Variants in ADARB1 observed in about 807,000 individuals in gnomAD.
ADARB1 encodes the protein adenosine deaminase RNA specific B1.
ADARB1 carries 10 observed loss-of-function variants against 52.4 expected under a neutral mutation model. That is an observed-to-expected ratio of 0.19 (90% CI 0.12 to 0.32). The LOEUF is 0.32. Among genes scored for constraint, ADARB1 ranks in the 10% least tolerant of loss-of-function variants. The pLI is 1.00. For missense variants in ADARB1, 643 were observed against 922.3 expected (o/e 0.70, Z 3.92); for synonymous variants, 349 against 371.1 (o/e 0.94, Z 0.68).
At chr21:45,165,136 G>A (rs1324824091) in intron 2 of ADARB1, among the ~76,000 whole-genome samples, 2 of 152,130 alleles carry the variant, frequency 1.3e-5, no homozygotes. Context: ...TACTGTCTGT[G>A]CGACTGGCAT....
intron 8 of ADARB1, among the ~76,000 whole-genome samples, chr21:45,203,160 C>T (rs2092595966): frequency 6.6e-6 from 1 of 152,178 alleles, no homozygotes; most frequent in Non-Finnish European, 1.5e-5. Context: ...AATACCGCCC[C>T]CTCCCTCATC....
At chr21:45,153,565 A>G (rs1017982176) in intron 2 of ADARB1, among the ~76,000 whole-genome samples, 2 of 152,218 alleles carry the variant, frequency 1.3e-5, no homozygotes, top group Non-Finnish European at 2.9e-5. Context: ...CTGTTTCTTC[A>G]GGAAGTAAAA....
chr21:45,129,487 G>A (rs2088797591), intron 2 of ADARB1, among the ~76,000 whole-genome samples: 1 of 152,232 alleles, frequency 6.6e-6, no homozygotes, highest in Admixed American at 6.5e-5. Flanking sequence ...CTGGAGGAAC[G>A]CAGGTGTGCT....
Position 45,221,374 on chromosome 21 carries a change from T to C in ADARB1, c.1926+360T>C, listed in dbSNP as rs187908889. 1.3e-5 allele frequency among the ~76,000 whole-genome samples: 2 copies of C among 152,330 alleles called. No individual in the cohort carries two copies. The highest frequency in any genetic ancestry group is 3.9e-4 in the East Asian group (2 of 5,186). ...CTCAGCAACATAAAAATTGCTTGGA[T>C]TGTGATAACCCTCCAGTGGAGTTTT... On this transcript the variant is annotated intron_variant, in intron 10 of 10. Coordinates refer to ENST00000348831, the MANE Select transcript of ADARB1 (RefSeq NM_001112.4). This position sits in a 1 kb window ranked among gnomAD's most constrained non-coding sequence, Gnocchi z 4.9.
In ADARB1 at chr21:45,222,101, C is replaced by T. The variant is rs747328727; in HGVS notation, c.2010C>T (p.Ala670=). ...ESKLAAKEYQ[A]AKARLFTAFI... is the part of the protein sequence containing the mutation. ...AGCTGGCGGCAAAGGAGTACCAGGC[C>T]GCCAAGGCGCGTCTGTTCACAGCCT... Residue 670 remains alanine, a synonymous_variant, in exon 11 of 11, where the codon GCC becomes GCT. Transcript: ENST00000348831. 1.7e-5 allele frequency: 27 copies of T among 1,613,172 alleles called. No individual in the cohort carries two copies. Among genetic ancestry groups the T allele is most frequent in the East Asian group, 4.5e-5 (2 of 44,894 alleles).
chr21:45,152,158 T>C (rs868179345), intron 2 of ADARB1, among the ~76,000 whole-genome samples: 36 of 152,202 alleles, frequency 2.4e-4, no homozygotes, highest in African/African-American at 7.0e-4. Flanking sequence ...AGCCTCTGCA[T>C]TGTGTTGTGT....
At chr21:45,214,645 T>G (rs1199363435) in intron 9 of ADARB1, among the ~76,000 whole-genome samples, 1 of 152,232 alleles carries the variant, frequency 6.6e-6, no homozygotes, top group Non-Finnish European at 1.5e-5. Flanking sequence ...CCTCATTTCT[T>G]CATGGAATTG....
At chr21:45,074,855 G>A (rs1294868899) in intron 1 of ADARB1, 62 bp downstream of exon 1, 7 of 149,200 alleles carry the variant, frequency 4.7e-5, no homozygotes, top group Non-Finnish European at 1.0e-4. Flanking sequence ...CCGCGGTGGC[G>A]GCGTTTATGT....
At chr21:45,148,931 CT>C (rs1311657376) in intron 2 of ADARB1, among the ~76,000 whole-genome samples, 1 of 152,244 alleles carries the variant, frequency 6.6e-6, no homozygotes, top group Admixed American at 6.5e-5. Context: ...CCTTTTCCCT[CT>C]CTCCTGTCTT....
rs957488308 is a variant in ADARB1 at position 45,142,083 on chromosome 21, G to T, written c.-48+13510G>T. On this transcript the variant is annotated intron_variant, in intron 2 of 10. Transcript: ENST00000348831. This position sits in a 1 kb window ranked among gnomAD's most constrained non-coding sequence, Gnocchi z 4.0. The stretch of plus-strand genomic sequence containing the variant: ...CCTTAGCCACCCCCGGGCCACCTTG[G>T]CCACTCTGGGTCACCTTGTCTACCC... 1.3e-5 allele frequency among the ~76,000 whole-genome samples: 2 copies of T among 152,296 alleles called. No homozygotes were observed. The highest frequency in any genetic ancestry group is 4.8e-5 in the African/African-American group (2 of 41,570).
At position 45,142,039 on chromosome 21, in the gene ADARB1, T is replaced by G. The variant is rs780629279; in HGVS notation, c.-48+13466T>G. Among the ~76,000 whole-genome samples, 7 of 151,664 alleles carry G rather than the reference T, an allele frequency of 4.6e-5. No individual in the cohort carries two copies. Among genetic ancestry groups the G allele is most frequent in the Non-Finnish European group, 7.4e-5 (5 of 67,874 alleles). On this transcript the variant is annotated intron_variant, in intron 2 of 10. Transcript: ENST00000348831. This position sits in a 1 kb window ranked among gnomAD's most constrained non-coding sequence, Gnocchi z 4.0. ...GGTCACTTAGCCACCCCTGGGCCAC[T>G]GTAGCCACCTCTGGGTGTCCTTAGC...
At chr21:45,154,420 C>G (rs939645506) in intron 2 of ADARB1, among the ~76,000 whole-genome samples, 28 of 152,300 alleles carry the variant, frequency 1.8e-4, no homozygotes, top group Middle Eastern at 3.4e-3. Flanking sequence ...CACATTTATA[C>G]CAAACTGGCA....
chr21:45,135,825 T>C (rs7276659), intron 2 of ADARB1, among the ~76,000 whole-genome samples: 6,784 of 152,304 alleles, frequency 0.045, 513 homozygotes, highest in African/African-American at 0.15. Context: ...CCTGTGGTCC[T>C]GGACTGCAGG....
intron 1 of ADARB1, among the ~76,000 whole-genome samples, chr21:45,113,859 A>C (rs2087685189): frequency 6.6e-6 from 1 of 152,196 alleles, no homozygotes; most frequent in Non-Finnish European, 1.5e-5. Context: ...CAGATATTTC[A>C]AACTGGAAGT....
Position 45,225,571 on chromosome 21 carries a change from G to A in ADARB1, c.*3374G>A, listed in dbSNP as rs144075386. 715 of 1,337,174 alleles carry A rather than the reference G, an allele frequency of 5.3e-4. 2 individuals carry two copies. In the African/African-American group the frequency reaches 9.2e-3, roughly 17 times the overall value. The allele number at this position is 1,337,174 out of a possible 1,614,324, so 82.8% of individuals were successfully genotyped here. ...GGTACACTGAGGAGGGGACGGCTCC[G>A]TCTTCACATTGTGCACAGATCTGAG... On this transcript the variant is annotated 3_prime_UTR_variant, in exon 11 of 11. Transcript: ENST00000348831.
intron 2 of ADARB1, chr21:45,134,951 G>A: frequency 2.5e-6 from 1 of 396,812 alleles, no homozygotes; most frequent in Admixed American, 3.2e-5. Context: ...TGCCCAGGTG[G>A]GTCTCCTGGG....
rs559327701 is a variant in ADARB1 at position 45,138,822 on chromosome 21, G to A, written c.-48+10249G>A. Among the ~76,000 whole-genome samples the A allele has an allele frequency of 5.3e-5, 8 of 152,092 alleles. No individual in the cohort carries two copies. The South Asian group carries it at 8.3e-4, about 16-fold the overall frequency. On this transcript the variant is annotated intron_variant, in intron 2 of 10. Transcript: ENST00000348831. ...TGCTCGTGGCCTGTGGGCCCTGGGCGGCCTCTCAGTTTCCTGCATGGAAGG... is the reference window on the plus strand; with the variant it reads ...TGCTCGTGGCCTGTGGGCCCTGGGCAGCCTCTCAGTTTCCTGCATGGAAGG...
At chr21:45,180,126 G>A in intron 4 of ADARB1, among the ~76,000 whole-genome samples, 1 of 152,238 alleles carries the variant, frequency 6.6e-6, no homozygotes, top group East Asian at 1.9e-4. Flanking sequence ...GCCAGAGCCT[G>A]GCAGGATCCT....
chr21:45,114,937 G>A (rs2087747216), intron 1 of ADARB1, among the ~76,000 whole-genome samples: 1 of 152,214 alleles, frequency 6.6e-6, no homozygotes, highest in East Asian at 1.9e-4. Context: ...CTGGTCATGG[G>A]CTCGCACTGA....
Sources: allele counts gnomAD v4.1 joint callset (sites outside exome capture counted in the v4.1 genomes callset), GRCh38; gene constraint gnomAD v4.1.1; non-coding constraint Gnocchi (gnomAD v3.1); transcripts MANE v1.5; gene names NCBI Gene and HGNC (gene_info 2026-07-23, HGNC 2026-07-21).